ROBO1: variants seen among roughly 807,000 people sequenced by gnomAD.
ROBO1 encodes roundabout guidance receptor 1, also known as roundabout homolog 1.
ROBO1 carries 149 observed loss-of-function variants against 195.9 expected under a neutral mutation model. The ratio of observed to expected loss-of-function variants is 0.76; its 90% CI spans 0.67 to 0.87. ROBO1 has a LOEUF of 0.87. ROBO1 is among the 40% of genes least tolerant of loss of function. ROBO1 has a pLI of 0.00. For synonymous variants in ROBO1, 816 were observed against 733.2 expected, an observed-to-expected ratio of 1.11 and a Z score of -1.82; for missense variants, 1,933 against 2,068.3, an observed-to-expected ratio of 0.93 and a Z score of 1.27.
chr3:79,513,293 A>G (rs73851205), intron 2 of ROBO1, among the ~76,000 whole-genome samples: 3,242 of 152,208 alleles, frequency 0.021, 105 homozygotes, highest in African/African-American at 0.075. Flanking sequence ...TAAAATAACT[A>G]AACTATGTAA....
chr3:78,702,909 T>G (rs1286929742), intron 8 of ROBO1, among the ~76,000 whole-genome samples: 1 of 152,218 alleles, frequency 6.6e-6, no homozygotes, highest in Non-Finnish European at 1.5e-5. Flanking sequence ...TTATTTCTTG[T>G]ACCTGACTGC....
intron 1 of ROBO1, among the ~76,000 whole-genome samples, chr3:79,604,143 C>A (rs1385484182): frequency 6.6e-6 from 1 of 151,902 alleles, no homozygotes; most frequent in Non-Finnish European, 1.5e-5. Context: ...TGCCATGAGT[C>A]CCATTTTTTT....
chr3:79,341,065 T>C (rs1357176122), intron 2 of ROBO1, among the ~76,000 whole-genome samples: 1 of 152,190 alleles, frequency 6.6e-6, no homozygotes, highest in Admixed American at 6.5e-5. Flanking sequence ...ATTGAATTAA[T>C]AGAATTTGGA....
intron 1 of ROBO1, among the ~76,000 whole-genome samples, chr3:79,639,835 T>A (rs558494299): frequency 1.3e-5 from 2 of 152,338 alleles, no homozygotes; most frequent in South Asian, 4.1e-4. Flanking sequence ...ACAGAATTTC[T>A]AAGTACTCCT....
chr3:79,010,279 G>C (rs1354363769), intron 3 of ROBO1, among the ~76,000 whole-genome samples: 1 of 152,118 alleles, frequency 6.6e-6, no homozygotes, highest in African/African-American at 2.4e-5. Context: ...AGAATTCTGA[G>C]ATGAGACAGG....
At chr3:78,893,828 G>A (rs1331988203) in intron 4 of ROBO1, among the ~76,000 whole-genome samples, 1 of 152,006 alleles carries the variant, frequency 6.6e-6, no homozygotes, top group Non-Finnish European at 1.5e-5. Flanking sequence ...TCTAGGATCT[G>A]GTACTAGAAA....
chr3:79,708,111 T>C (rs957560296), intron 1 of ROBO1, among the ~76,000 whole-genome samples: 4 of 152,112 alleles, frequency 2.6e-5, no homozygotes. Context: ...TTAATGGCAC[T>C]TGATAAACAG....
intron 2 of ROBO1, among the ~76,000 whole-genome samples, chr3:79,336,027 T>C (rs1220400198): frequency 6.6e-6 from 1 of 152,178 alleles, no homozygotes; most frequent in Non-Finnish European, 1.5e-5. Flanking sequence ...TATGGAACTT[T>C]GAACTTGAGA....
chr3:79,413,527 T>C (rs915685040), intron 2 of ROBO1, among the ~76,000 whole-genome samples: 2 of 152,134 alleles, frequency 1.3e-5, no homozygotes, highest in African/African-American at 2.4e-5. Flanking sequence ...TTCAGTTGAA[T>C]GTTACCATAT....
chr3:79,593,830 T>G (rs1311485153), intron 1 of ROBO1, among the ~76,000 whole-genome samples: 1 of 151,986 alleles, frequency 6.6e-6, no homozygotes, highest in African/African-American at 2.4e-5. Flanking sequence ...TGGCCCAGGC[T>G]GATCTTGAAC....
chr3:78,751,633 T>G (rs1214839273), intron 4 of ROBO1, among the ~76,000 whole-genome samples: 2 of 152,284 alleles, frequency 1.3e-5, no homozygotes, highest in South Asian at 4.1e-4. Flanking sequence ...GTAACATAAG[T>G]GAGAAATTTC....
chr3:78,666,106 G>A (rs1279163429), intron 14 of ROBO1, among the ~76,000 whole-genome samples: 3 of 151,934 alleles, frequency 2.0e-5, no homozygotes, highest in East Asian at 3.9e-4. Flanking sequence ...ACTTTTGCTC[G>A]GCACCTCTTG....
chr3:78,833,147 T>C (rs771561456), intron 4 of ROBO1, among the ~76,000 whole-genome samples: 70 of 151,856 alleles, frequency 4.6e-4, no homozygotes, highest in Non-Finnish European at 2.8e-4. Context: ...GGGATATCAG[T>C]GAAGGCACTG....
intron 2 of ROBO1, among the ~76,000 whole-genome samples, chr3:79,557,444 G>C (rs1407977694): frequency 1.3e-5 from 2 of 151,848 alleles, no homozygotes; most frequent in Non-Finnish European, 2.9e-5. Context: ...AATTAAAAAG[G>C]ATAATTTAGG....
intron 4 of ROBO1, among the ~76,000 whole-genome samples, chr3:78,909,665 T>C (rs2038131982): frequency 1.3e-5 from 2 of 151,852 alleles, no homozygotes; most frequent in East Asian, 3.9e-4. Flanking sequence ...AACTAATCAA[T>C]TACTATTTTT....
chr3:79,627,316 G>C (rs1355495876), intron 1 of ROBO1, among the ~76,000 whole-genome samples: 1 of 152,084 alleles, frequency 6.6e-6, no homozygotes, highest in East Asian at 1.9e-4. Context: ...TAGACCAATG[G>C]AATAGAACAG....
At chr3:79,105,547 T>A (rs1559662547) in intron 3 of ROBO1, among the ~76,000 whole-genome samples, 1 of 151,780 alleles carries the variant, frequency 6.6e-6, no homozygotes, top group Non-Finnish European at 1.5e-5. Context: ...ATTCCAAGAT[T>A]TAATTTGGAT....
At chr3:79,384,736 G>A (rs1449352279) in intron 2 of ROBO1, among the ~76,000 whole-genome samples, 4 of 151,932 alleles carry the variant, frequency 2.6e-5, no homozygotes, top group Non-Finnish European at 5.9e-5. Flanking sequence ...GAAGTTAAAC[G>A]TATACACACA....
rs2036106072 is a variant in ROBO1, at chr3:79,369,424, TCTC to T, written c.88+220397_88+220399del. Among the ~76,000 whole-genome samples the T allele has an allele frequency of 3.3e-5, 5 of 152,344 alleles. No individual in the cohort carries two copies. The South Asian group carries it at 1.0e-3, about 32-fold the overall frequency. ...AAAGTCAGCTATAAAACTGTCTTCTTCTCCTTCCTAACTACACTCTTGTTCTAA... is the reference window on the plus strand; with the variant it reads ...AAAGTCAGCTATAAAACTGTCTTCTTCTTCCTAACTACACTCTTGTTCTAA... On this transcript the variant is annotated intron_variant, in intron 2 of 30. Transcript: ENST00000464233.
Sources: gnomAD v4.1 joint callset for allele counts (sites outside exome capture counted in the v4.1 genomes callset) on GRCh38, gnomAD v4.1.1 for gene constraint, MANE v1.5 for transcripts, NCBI Gene and HGNC (gene_info 2026-07-23, HGNC 2026-07-21) for gene names.